FMO5: variants seen among roughly 807,000 people sequenced by gnomAD.
The protein encoded by FMO5 is flavin containing dimethylaniline monoxygenase 5.
In FMO5, 51 loss-of-function variants were observed where a neutral mutation model predicts 43.6. The ratio of observed to expected loss-of-function variants is 1.17; its 90% CI spans 0.93 to 1.48. The LOEUF is 1.48. Among genes scored for constraint, FMO5 ranks in the 40% most tolerant of loss-of-function variants. The pLI is 0.00. For missense variants in FMO5, 644 were observed against 643.0 expected, an observed-to-expected ratio of 1.00 and a Z score of -0.02; for synonymous variants, 187 against 216.5, an observed-to-expected ratio of 0.86 and a Z score of 1.20.
intron 7 of FMO5, 28 bp downstream of exon 7, chr1:147,201,116 CAAGTAATT>C: frequency 6.9e-7 from 1 of 1,448,042 alleles, no homozygotes; most frequent in South Asian, 1.2e-5. Context: ...AACATATCAC[CAAGTAATT>C]AAGTAGTCTA....
intron 2 of FMO5, among the ~76,000 whole-genome samples, chr1:147,220,512 G>A (rs1662820812): frequency 6.6e-6 from 1 of 152,178 alleles, no homozygotes; most frequent in Non-Finnish European, 1.5e-5. Flanking sequence ...ATAGTGGGCT[G>A]TGCATAGTGA....
At chr1:147,220,049 A>G (rs1662738613) in intron 2 of FMO5, among the ~76,000 whole-genome samples, 4 of 152,096 alleles carry the variant, frequency 2.6e-5, no homozygotes, top group Admixed American at 2.6e-4. Flanking sequence ...TATGTTGGCC[A>G]GGCTGGTCTC....
chr1:147,210,926 T>C (rs906567291), intron 5 of FMO5: 1 of 152,180 alleles, frequency 6.6e-6, no homozygotes, highest in African/African-American at 2.4e-5. Context: ...TACAAAAGCA[T>C]CTACAAGAAT....
At chr1:147,194,330 C>T (rs1237611134) in intron 7 of FMO5, among the ~76,000 whole-genome samples, 1 of 151,988 alleles carries the variant, frequency 6.6e-6, no homozygotes, top group East Asian at 1.9e-4. Flanking sequence ...GGATTGCAAC[C>T]CCTGCCTTTT....
At chr1:147,198,026 G>A (rs1658311544) in intron 7 of FMO5, among the ~76,000 whole-genome samples, 3 of 152,180 alleles carry the variant, frequency 2.0e-5, no homozygotes, top group Admixed American at 1.3e-4. Context: ...TCTGCTGTCA[G>A]CCTAAAGCAG....
intron 3 of FMO5, chr1:147,215,536 G>A: frequency 2.0e-6 from 1 of 489,434 alleles, no homozygotes; most frequent in Non-Finnish European, 3.6e-6. Context: ...CTGCCAGCTG[G>A]CTTCCTGTAT....
intron 6 of FMO5, among the ~76,000 whole-genome samples, chr1:147,202,309 G>GTCT (rs1659115947): frequency 3.2e-4 from 38 of 118,462 alleles, no homozygotes; most frequent in Non-Finnish European, 4.5e-4. Flanking sequence ...CTAAAAAGCA[G>GTCT]TTCTTTTTTT....
Position 147,186,983 on chromosome 1 carries a change from T to G in FMO5, c.1519A>C (p.Ser507Arg). 1 of 1,614,210 alleles carries G rather than the reference T, an allele frequency of 6.2e-7. No individual in the cohort carries two copies. The highest frequency in any genetic ancestry group is 2.2e-5 in the East Asian group (1 of 44,886). The change falls in exon 9 of 9, where the codon AGT becomes CGT. Residue 507 changes from serine to arginine, a missense_variant. Transcript: ENST00000254090. ...KPLMTRVVER[S>R]SSMTSTMTIG... ...GTCATTGTTGAAGTCATAGAACTAC[T>G]CCTTTCAACTACTCTTGTCATCAGA...
At chr1:147,219,839 G>GC (rs1490928347) in intron 2 of FMO5, among the ~76,000 whole-genome samples, 1 of 106,664 alleles carries the variant, frequency 9.4e-6, no homozygotes, top group Admixed American at 9.9e-5. Flanking sequence ...AATGTTAATT[G>GC]CTTTTTTTTT....
intron 2 of FMO5, among the ~76,000 whole-genome samples, chr1:147,216,501 T>C (rs1465214272): frequency 6.6e-6 from 1 of 152,042 alleles, no homozygotes; most frequent in African/African-American, 2.4e-5. Context: ...GGAAAGAGTA[T>C]AACATCTCCA....
chr1:147,205,515 A>G (rs1659829122), intron 6 of FMO5, among the ~76,000 whole-genome samples: 1 of 152,226 alleles, frequency 6.6e-6, no homozygotes, highest in South Asian at 2.1e-4. Flanking sequence ...TCTACAAAAC[A>G]ATGCCTTGGG....
intron 2 of FMO5, among the ~76,000 whole-genome samples, chr1:147,219,036 A>G (rs1662520329): frequency 6.6e-6 from 1 of 152,158 alleles, no homozygotes; most frequent in African/African-American, 2.4e-5. Context: ...CCTTCTTTAA[A>G]TCTCTATTAT....
At chr1:147,191,044 T>C (rs1656670528) in intron 7 of FMO5, among the ~76,000 whole-genome samples, 1 of 152,184 alleles carries the variant, frequency 6.6e-6, no homozygotes, top group African/African-American at 2.4e-5. Flanking sequence ...TAATATTCCA[T>C]GGTGTATATG....
intron 6 of FMO5, among the ~76,000 whole-genome samples, chr1:147,206,229 A>G (rs1660022907): frequency 6.6e-6 from 1 of 150,996 alleles, no homozygotes; most frequent in Non-Finnish European, 1.5e-5. Flanking sequence ...ACCATCTCAC[A>G]CCAGTTAGAA....
rs782127384 is a variant in FMO5 at position 147,186,879 on chromosome 1, AG to A, written c.*20del. On this transcript the variant is annotated 3_prime_UTR_variant, in exon 9 of 9. Transcript: ENST00000254090. ...GTAGATAAGCTTCCCAATGAAAAACAGGGCAGTGACAATAGGACAACTAGAA... is the reference window on the plus strand; with the variant it reads ...GTAGATAAGCTTCCCAATGAAAAACAGGCAGTGACAATAGGACAACTAGAA... The A allele has an allele frequency of 6.9e-6, 11 of 1,590,490 alleles. No homozygotes were observed. The Admixed American group carries it at 1.2e-4, about 17-fold the overall frequency.
intron 7 of FMO5, among the ~76,000 whole-genome samples, chr1:147,200,062 C>T (rs1464261627): frequency 6.6e-6 from 1 of 152,154 alleles, no homozygotes; most frequent in African/African-American, 2.4e-5. Context: ...TCTCCTGCCC[C>T]GGCCCAGTGA....
At chr1:147,198,864 A>AG (rs1200075158) in intron 7 of FMO5, among the ~76,000 whole-genome samples, 10 of 139,340 alleles carry the variant, frequency 7.2e-5, no homozygotes, top group African/African-American at 8.1e-5. Context: ...AAAAAAAAAA[A>AG]AAAAAAAAAA....
At position 147,224,183 on chromosome 1, in the gene FMO5, A is replaced by G. The variant is rs1212191839; in HGVS notation, c.135+712T>C. On this transcript the variant is annotated intron_variant, in intron 2 of 8. Transcript: ENST00000254090. ...GCCTTCACACAGGTTCACTAGGAAGACAAAGGAGGTGTGGCTAAGTTGGTG... is the reference window on the plus strand; with the variant it reads ...GCCTTCACACAGGTTCACTAGGAAGGCAAAGGAGGTGTGGCTAAGTTGGTG... 2.7e-5 allele frequency: 7 copies of G among 263,750 alleles called. No individual in the cohort carries two copies. In the East Asian group the frequency reaches 4.8e-4, roughly 18 times the overall value. 16.3% of individuals were successfully genotyped at this position (263,750 alleles called of 1,614,324 possible).
Position 147,202,362 on chromosome 1 carries a change from G to A in FMO5, c.831-858C>T, listed in dbSNP as rs1314000185. 3.4e-4 allele frequency among the ~76,000 whole-genome samples: 38 copies of A among 112,290 alleles called. 1 individual carries two copies. Among genetic ancestry groups the A allele is most frequent in the East Asian group, 1.1e-3 (4 of 3,484 alleles). The allele number at this position is 112,290 out of a possible 152,430, so 73.7% of individuals were successfully genotyped here. A position where few individuals can be genotyped will look rare whatever the true frequency, so the allele number is the denominator to read the frequency against. Reference sequence around the variant, plus strand: ...AGACAGAGTCTCTACTTCTTTTGCCGAAGCTGGAGTGCAGTGGCATGATCT... The same window carrying A: ...AGACAGAGTCTCTACTTCTTTTGCCAAAGCTGGAGTGCAGTGGCATGATCT... On this transcript the variant is annotated intron_variant, in intron 6 of 8. Coordinates refer to ENST00000254090, the MANE Select transcript of FMO5 (RefSeq NM_001461.4).
Sources: gnomAD v4.1 joint callset for allele counts (sites outside exome capture counted in the v4.1 genomes callset) on GRCh38, gnomAD v4.1.1 for gene constraint, MANE v1.5 for transcripts, NCBI Gene and HGNC (gene_info 2026-07-23, HGNC 2026-07-21) for gene names.